The following ADGRV1 variants were observed in gnomAD, a reference collection of about 807,000 sequenced individuals.
ADGRV1 encodes the protein G-protein coupled receptor 98.
In ADGRV1, 359 loss-of-function variants were observed where a neutral mutation model predicts 596.2. The ratio of observed to expected loss-of-function variants is 0.60; its 90% CI spans 0.55 to 0.66. The LOEUF is 0.66. ADGRV1 is among the 30% of genes least tolerant of loss of function. ADGRV1 has a pLI of 0.00. For synonymous variants in ADGRV1, 2,681 were observed against 2,679.2 expected, an observed-to-expected ratio of 1.00 and a Z score of -0.02; for missense variants, 7,274 against 7,575.6, an observed-to-expected ratio of 0.96 and a Z score of 1.48.
intron 73 of ADGRV1, 50 bp downstream of exon 73, chr5:90,807,787 G>T (rs1581186807): frequency 6.9e-7 from 1 of 1,455,516 alleles, no homozygotes; most frequent in African/African-American, 1.4e-5. Context: ...GAATAATCTG[G>T]AATTCATCCA....
At chr5:91,160,545 A>G (rs946663499) in intron 89 of ADGRV1, among the ~76,000 whole-genome samples, 1 of 152,230 alleles carries the variant, frequency 6.6e-6, no homozygotes, top group Admixed American at 6.5e-5. Context: ...CTCATGATGA[A>G]TGTAAATTAT....
At chr5:90,566,955 A>G (rs969500280) in intron 1 of ADGRV1, among the ~76,000 whole-genome samples, 5 of 152,264 alleles carry the variant, frequency 3.3e-5, no homozygotes, top group African/African-American at 1.2e-4. Context: ...CCCATTATAG[A>G]TACCCTTTGT....
chr5:90,690,626 T>G (rs1746343931), intron 30 of ADGRV1, among the ~76,000 whole-genome samples, 171 bp from the exon 31 acceptor site: 1 of 152,150 alleles, frequency 6.6e-6, no homozygotes, highest in South Asian at 2.1e-4. Context: ...ATTTGGAAAT[T>G]TTGGCAGAGC....
intron 1 of ADGRV1, among the ~76,000 whole-genome samples, chr5:90,594,210 G>A (rs182861852): frequency 2.0e-5 from 3 of 152,176 alleles, no homozygotes; most frequent in South Asian, 2.1e-4. Flanking sequence ...TGTAGATCTC[G>A]TAATCCCCAC....
chr5:91,026,885 T>C (rs927720025), intron 85 of ADGRV1, among the ~76,000 whole-genome samples: 13 of 152,078 alleles, frequency 8.5e-5, no homozygotes, highest in African/African-American at 7.2e-5. Flanking sequence ...CTCACACCTG[T>C]AATCCCAGCA....
At chr5:91,107,627 T>C (rs924687096) in intron 87 of ADGRV1, among the ~76,000 whole-genome samples, 2 of 152,056 alleles carry the variant, frequency 1.3e-5, no homozygotes, top group African/African-American at 4.8e-5. Context: ...GAGATAAAAA[T>C]TTTAAAAAGG....
chr5:90,854,130 G>A lies in ADGRV1; in HGVS notation c.17523G>A (p.Arg5841=). The A allele has an allele frequency of 6.4e-7, 1 of 1,574,358 alleles. No individual in the cohort carries two copies. The highest frequency in any genetic ancestry group is 2.3e-5 in the East Asian group (1 of 43,604). ...CTAATGACAATGAGGTTCTCTACAG[G>A]ATTTATGCTGCTGAGCCTAGAATTA... ...LLTNDNEVLY[R]IYAAEPRIIP... is the part of the protein sequence containing the mutation. The change falls in exon 81 of 90, where the codon AGG becomes AGA. Residue 5841 remains arginine (R), a synonymous_variant. Coordinates refer to ENST00000405460, the MANE Select transcript of ADGRV1 (RefSeq NM_032119.4).
chr5:90,672,615 G>GT lies in ADGRV1; in HGVS notation c.4828dup (p.Tyr1610LeufsTer7). ...CAGAGGAGCTCTGGATTATGTGCAT[G>GT]TTTTTTACACCATTTCACAGATTGA... On this transcript the variant is annotated frameshift_variant, in exon 22 of 90. Coordinates refer to ENST00000405460, the MANE Select transcript of ADGRV1 (RefSeq NM_032119.4). LOFTEE classifies it high-confidence loss of function. The GT allele has an allele frequency of 6.2e-7, 1 of 1,613,746 alleles. No individual in the cohort carries two copies. The highest frequency in any genetic ancestry group is 8.5e-7 in the Non-Finnish European group (1 of 1,179,716).
intron 82 of ADGRV1, 50 bp downstream of exon 82, chr5:90,855,951 A>C: frequency 6.9e-7 from 1 of 1,455,234 alleles, no homozygotes; most frequent in Non-Finnish European, 9.6e-7. Flanking sequence ...TATGAAAATG[A>C]AAGTCTGTTT....
chr5:90,909,503 A>G (rs1441695470), intron 83 of ADGRV1, among the ~76,000 whole-genome samples: 2 of 151,988 alleles, frequency 1.3e-5, no homozygotes, highest in Non-Finnish European at 2.9e-5. Context: ...GATATTCCCA[A>G]CCAGACAAAT....
chr5:90,894,428 G>A (rs1190567291), intron 83 of ADGRV1, among the ~76,000 whole-genome samples: 1 of 152,182 alleles, frequency 6.6e-6, no homozygotes, highest in Non-Finnish European at 1.5e-5. Flanking sequence ...CATATAAAAT[G>A]AGTAGGTGAA....
At chr5:91,066,647 A>C (rs1252050264) in intron 85 of ADGRV1, among the ~76,000 whole-genome samples, 2 of 152,192 alleles carry the variant, frequency 1.3e-5, no homozygotes, top group Non-Finnish European at 2.9e-5. Context: ...ATGGACCATC[A>C]GGGAGTGGCA....
intron 45 of ADGRV1, among the ~76,000 whole-genome samples, chr5:90,722,680 ACTCCAGC>A (rs1267152202): frequency 4.1e-5 from 5 of 123,222 alleles, no homozygotes; most frequent in African/African-American, 1.5e-4. Context: ...GCACCATTGC[ACTCCAGC>A]CTGGGCAACA....
At chr5:90,760,458 G>A (rs1409580706) in intron 58 of ADGRV1, among the ~76,000 whole-genome samples, 2 of 152,068 alleles carry the variant, frequency 1.3e-5, no homozygotes, top group Admixed American at 6.6e-5. Context: ...CCTATTTATT[G>A]GCTGTAGTAG....
At chr5:90,691,409 A>C (rs573360621) in intron 31 of ADGRV1, among the ~76,000 whole-genome samples, 99 of 109,342 alleles carry the variant, frequency 9.1e-4, no homozygotes, top group African/African-American at 3.3e-3. Context: ...TTTGAGATGG[A>C]GTTTTACGCT....
At chr5:90,736,716 G>A (rs544557380) in intron 50 of ADGRV1, among the ~76,000 whole-genome samples, 8 of 151,768 alleles carry the variant, frequency 5.3e-5, no homozygotes, top group Middle Eastern at 6.8e-3. Context: ...GTGTCTAGAC[G>A]TTTATTCATT....
At chr5:91,065,285 G>C (rs1581946272) in intron 85 of ADGRV1, among the ~76,000 whole-genome samples, 1 of 152,164 alleles carries the variant, frequency 6.6e-6, no homozygotes. Flanking sequence ...GACCTCTGAG[G>C]GAGGCTGGCA....
chr5:90,603,207 T>C (rs1381476384), intron 1 of ADGRV1, among the ~76,000 whole-genome samples: 3 of 152,198 alleles, frequency 2.0e-5, no homozygotes, highest in Non-Finnish European at 4.4e-5. Flanking sequence ...ATCCAGAACA[T>C]CAGAAGCCCC....
chr5:90,566,890 C>T (rs180770924), intron 1 of ADGRV1, among the ~76,000 whole-genome samples: 111 of 152,178 alleles, frequency 7.3e-4, no homozygotes, highest in African/African-American at 2.6e-3. Flanking sequence ...TTGTCTTGTC[C>T]TGTGATCTTA....
Sources: gnomAD v4.1 joint callset for allele counts (sites outside exome capture counted in the v4.1 genomes callset) on GRCh38, gnomAD v4.1.1 for gene constraint, MANE v1.5 for transcripts, NCBI Gene and HGNC (gene_info 2026-07-23, HGNC 2026-07-21) for gene names.